Variants in SGMS1 observed in about 807,000 individuals in gnomAD.
SGMS1 encodes phosphatidylcholine:ceramide cholinephosphotransferase 1.
A neutral mutation model predicts 46.2 loss-of-function variants in SGMS1; 13 were observed. That is an observed-to-expected ratio of 0.28 (90% CI 0.18 to 0.45). The LOEUF (loss-of-function observed/expected upper bound fraction) is 0.45, where lower values mean the gene tolerates loss of function less well. Among genes scored for constraint, SGMS1 ranks in the 20% least tolerant of loss-of-function variants. The pLI is 1.00. For missense variants in SGMS1, 324 were observed against 519.9 expected (o/e 0.62, Z 3.66); for synonymous variants, 203 against 187.8 (o/e 1.08, Z -0.66).
intron 3 of SGMS1, among the ~76,000 whole-genome samples, chr10:50,483,191 T>C (rs2133723684): frequency 6.6e-6 from 1 of 152,322 alleles, no homozygotes; most frequent in Non-Finnish European, 1.5e-5. Flanking sequence ...GCGATTCTCC[T>C]GCCTCAGCCT....
chr10:50,307,158 A>G lies in SGMS1; in HGVS notation c.1226T>C (p.Leu409Pro). 1 of 1,614,036 alleles carries G rather than the reference A, an allele frequency of 6.2e-7. No individual in the cohort carries two copies. The highest frequency in any genetic ancestry group is 8.5e-7 in the Non-Finnish European group (1 of 1,179,962). Residue 409 changes from leucine (L) to proline (P), a missense_variant, in exon 11 of 11, where the codon CTG (leucine) becomes CCG (proline). By Grantham distance (98) the Leu-to-Pro change is moderately conservative. This residue lies in a region of SGMS1 where 174 missense variants were observed against 350.1 expected (regional missense o/e 0.50). Transcript: ENST00000361781. This position sits in a 1 kb window ranked among gnomAD's most constrained non-coding sequence, Gnocchi z 4.2. ...GTACAGCTGTTATGTGTCATTCACCAGCCGGCTGTATTTAACTTGCCTACT... is the reference window on the plus strand; with the variant it reads ...GTACAGCTGTTATGTGTCATTCACCGGCCGGCTGTATTTAACTTGCCTACT... ...HLSRQVKYSR[L>P]VNDT
chr10:50,374,633 C>T (rs1848495674), intron 6 of SGMS1, among the ~76,000 whole-genome samples: 1 of 152,118 alleles, frequency 6.6e-6, no homozygotes, highest in South Asian at 2.1e-4. Context: ...TACTAGGCTC[C>T]ATAAGGTCCC....
At chr10:50,309,185 T>C (rs1043103539) in intron 9 of SGMS1, among the ~76,000 whole-genome samples, 1 of 152,174 alleles carries the variant, frequency 6.6e-6, no homozygotes, top group Non-Finnish European at 1.5e-5. Context: ...AAGGGCAGTT[T>C]GCAATTTTAA....
chr10:50,552,417 T>A (rs998869382), intron 2 of SGMS1, among the ~76,000 whole-genome samples: 29 of 152,166 alleles, frequency 1.9e-4, no homozygotes, highest in African/African-American at 5.6e-4. Flanking sequence ...ATCAACTAAG[T>A]CTGAGGAATC....
intron 6 of SGMS1, among the ~76,000 whole-genome samples, chr10:50,356,498 T>C (rs1848150505): frequency 6.6e-6 from 1 of 151,996 alleles, no homozygotes; most frequent in Non-Finnish European, 1.5e-5. Context: ...TGACCTTCCC[T>C]CCACTATTGT....
intron 7 of SGMS1, among the ~76,000 whole-genome samples, chr10:50,333,232 G>C (rs1202126923): frequency 6.6e-6 from 1 of 152,122 alleles, no homozygotes; most frequent in Non-Finnish European, 1.5e-5. Context: ...TTAGTCCCAG[G>C]GAGACTTATG....
At chr10:50,544,668 G>A (rs1037387291) in intron 2 of SGMS1, among the ~76,000 whole-genome samples, 2 of 152,194 alleles carry the variant, frequency 1.3e-5, no homozygotes, top group Non-Finnish European at 2.9e-5. Context: ...ATGCAACCTT[G>A]CAGTTTTACA....
At chr10:50,342,957 C>G (rs1181553125) in intron 7 of SGMS1, 1 of 152,564 alleles carries the variant, frequency 6.6e-6, no homozygotes, top group Non-Finnish European at 1.5e-5. Flanking sequence ...ATCCACTTCC[C>G]ACCTACCCAA....
rs568265151 is a variant in SGMS1, at chr10:50,623,576, T to G, written c.-684+131A>C. ...GGTACGCGCGCGGCACCGCGCGGGCTGCGCTCACGCCCCCTCGCCCCAGAG... is the reference window on the plus strand; with the variant it reads ...GGTACGCGCGCGGCACCGCGCGGGCGGCGCTCACGCCCCCTCGCCCCAGAG... On this transcript the variant is annotated intron_variant, in intron 1 of 10. Coordinates refer to ENST00000361781, the MANE Select transcript of SGMS1 (RefSeq NM_147156.4). The G allele has an allele frequency of 1.3e-5, 13 of 984,900 alleles. No individual in the cohort carries two copies. The African/African-American group carries it at 2.1e-4, about 16-fold the overall frequency. The allele number at this position is 984,900 out of a possible 1,614,324, so 61.0% of individuals were successfully genotyped here.
At chr10:50,536,139 G>A (rs575171691) in intron 2 of SGMS1, among the ~76,000 whole-genome samples, 9 of 152,032 alleles carry the variant, frequency 5.9e-5, no homozygotes, top group African/African-American at 2.2e-4. Flanking sequence ...TTTGAGACCA[G>A]CCTGGGCAAC....
At chr10:50,388,668 C>T (rs16931872) in intron 6 of SGMS1, among the ~76,000 whole-genome samples, 1,536 of 151,880 alleles carry the variant, frequency 0.01, 27 homozygotes, top group African/African-American at 0.035. Context: ...TCACATATAG[C>T]GAGCGCTTGA....
chr10:50,402,247 T>C (rs888627981), intron 6 of SGMS1, among the ~76,000 whole-genome samples: 3 of 152,228 alleles, frequency 2.0e-5, no homozygotes, highest in African/African-American at 7.2e-5. Context: ...GGTTCAATTA[T>C]TTTTGCATTG....
At position 50,595,003 on chromosome 10, in the gene SGMS1, G is replaced by T. The variant is rs938975336; in HGVS notation, c.-683-4756C>A. 3.4e-4 allele frequency among the ~76,000 whole-genome samples: 51 copies of T among 152,170 alleles called. 1 individual carries two copies. The highest frequency in any genetic ancestry group is 2.8e-4 in the Non-Finnish European group (19 of 67,996). On this transcript the variant is annotated intron_variant, in intron 1 of 10. Coordinates refer to ENST00000361781, the MANE Select transcript of SGMS1 (RefSeq NM_147156.4). ...CACAGCTGATAAGTGGTAGAACAAG[G>T]ATTTAAACCCAAGCAGTTTACTCCA...
chr10:50,432,950 G>A (rs574744734), intron 6 of SGMS1, among the ~76,000 whole-genome samples: 1 of 152,260 alleles, frequency 6.6e-6, no homozygotes, highest in African/African-American at 2.4e-5. Flanking sequence ...ATATGTAACT[G>A]TCAGATAATT....
chr10:50,336,906 C>G (rs113124382), intron 7 of SGMS1, among the ~76,000 whole-genome samples: 24 of 152,222 alleles, frequency 1.6e-4, no homozygotes, highest in African/African-American at 5.1e-4. Flanking sequence ...TTGGAACCTG[C>G]CTCTTGAATA....
intron 1 of SGMS1, among the ~76,000 whole-genome samples, chr10:50,614,306 T>C (rs1027826838): frequency 2.0e-5 from 3 of 152,182 alleles, no homozygotes; most frequent in African/African-American, 7.2e-5. Context: ...AAAAGCAAGT[T>C]TCTGCTCTGG....
chr10:50,589,047 T>C (rs746685889), intron 2 of SGMS1, among the ~76,000 whole-genome samples: 1 of 151,924 alleles, frequency 6.6e-6, no homozygotes, highest in Non-Finnish European at 1.5e-5. Context: ...TATTTGTGAA[T>C]CTTGATCAGG....
At chr10:50,474,740 GAACAAAACAA>G (rs753615152) in intron 3 of SGMS1, among the ~76,000 whole-genome samples, 1 of 151,648 alleles carries the variant, frequency 6.6e-6, no homozygotes, top group East Asian at 1.9e-4. Context: ...AAACAAAACA[GAACAAAACAA>G]AACAAAACAA....
At chr10:50,417,508 G>A (rs1462842088) in intron 6 of SGMS1, among the ~76,000 whole-genome samples, 1 of 151,952 alleles carries the variant, frequency 6.6e-6, no homozygotes, top group Non-Finnish European at 1.5e-5. Flanking sequence ...CGATTACCTG[G>A]CCACACTAAA....
Sources: gnomAD v4.1 joint callset for allele counts (sites outside exome capture counted in the v4.1 genomes callset) on GRCh38, gnomAD v4.1.1 for gene constraint, gnomAD v4.1.1 regional missense constraint, Gnocchi (gnomAD v3.1) non-coding constraint, MANE v1.5 for transcripts, NCBI Gene and HGNC (gene_info 2026-07-23, HGNC 2026-07-21) for gene names.